Variants in KHNYN observed in about 807,000 individuals in gnomAD.
KHNYN encodes the protein protein KHNYN.
Under a neutral mutation model 62.7 loss-of-function variants are expected in KHNYN, and 42 were observed. The ratio of observed to expected loss-of-function variants is 0.67; its 90% confidence interval spans 0.52 to 0.87. The LOEUF is 0.87. Among genes scored for constraint, KHNYN ranks in the 40% least tolerant of loss-of-function variants. KHNYN has a pLI of 0.00. For synonymous variants in KHNYN, 347 were observed against 345.6 expected (o/e 1.00, Z -0.04); for missense variants, 829 against 874.1 (o/e 0.95, Z 0.65).
chr14:24,440,729 C>A lies in KHNYN; in HGVS notation c.*3444C>A, dbSNP rs2043309095. Reference sequence around the variant, plus strand: ...TCAGCTCTCCTAATCCCATCACTTCCCCAGCCCAGAGAAGACATTCCAACC... The same window carrying A: ...TCAGCTCTCCTAATCCCATCACTTCACCAGCCCAGAGAAGACATTCCAACC... On this transcript the variant is annotated 3_prime_UTR_variant, in exon 8 of 8. Transcript: ENST00000553935. 1 of 1,590,470 alleles carries A rather than the reference C, an allele frequency of 6.3e-7. No individual in the cohort carries two copies. The highest frequency in any genetic ancestry group is 1.4e-5 in the African/African-American group (1 of 74,002).
chr14:24,431,978 T>C lies in KHNYN; in HGVS notation c.717T>C (p.Ser239=), dbSNP rs1276581877. The C allele has an allele frequency of 1.2e-6, 2 of 1,612,348 alleles. No individual in the cohort carries two copies. The highest frequency in any genetic ancestry group is 1.7e-6 in the Non-Finnish European group (2 of 1,178,798). ...SDGRESLDTG[S]MGPGDCRGAR... ...GCAGGGAGTCCCTGGACACTGGATC[T>C]ATGGGACCCGGAGATTGCAGGGGAG... Residue 239 remains serine, a synonymous_variant, in exon 3 of 8, where the codon TCT becomes TCC. Coordinates refer to ENST00000553935, the MANE Select transcript of KHNYN (RefSeq NM_015299.3).
At position 24,430,799 on chromosome 14, in the gene KHNYN, G is replaced by T; in HGVS notation, c.69G>T (p.Lys23Asn). ...RFAVSAEAENKVREQQPHVER... is the reference protein window; with the variant it reads ...RFAVSAEAENNVREQQPHVER... The stretch of plus-strand genomic sequence containing the variant: ...CGGTGTCTGCGGAGGCTGAGAACAA[G>T]GTTCGGGAACAGCAGCCCCATGTGG... The change falls in exon 2 of 8, where the codon AAG becomes AAT. Residue 23 changes from lysine (K) to asparagine (N), a missense_variant. Lys to Asn is a moderately conservative substitution (Grantham distance 94). Transcript: ENST00000553935. 2.5e-6 allele frequency: 4 copies of T among 1,609,876 alleles called. No individual in the cohort carries two copies. Among genetic ancestry groups the T allele is most frequent in the Non-Finnish European group, 3.4e-6 (4 of 1,178,180 alleles).
At position 24,437,290 on chromosome 14, in the gene KHNYN, C is replaced by T; in HGVS notation, c.*5C>T. On this transcript the variant is annotated 3_prime_UTR_variant, in exon 8 of 8. Coordinates refer to ENST00000553935, the MANE Select transcript of KHNYN (RefSeq NM_015299.3). This position sits in a 1 kb window ranked among gnomAD's most constrained non-coding sequence, Gnocchi z 5.5. The stretch of plus-strand genomic sequence containing the variant: ...CTGCTCAGTCTTAACTTTTGAGCCT[C>T]ACCTGCTTGAGTGGCTGCCGCCCTG... 1 of 1,606,398 alleles carries T rather than the reference C, an allele frequency of 6.2e-7. No individual in the cohort carries two copies. The highest frequency in any genetic ancestry group is 8.5e-7 in the Non-Finnish European group (1 of 1,174,114).
At position 24,440,152 on chromosome 14, in the gene KHNYN, T is replaced by G. The variant is rs749077884; in HGVS notation, c.*2867T>G. Reference sequence around the variant, plus strand: ...AATACTGGTAGCCAGTGGCCAGTGTTCGCTGTGGGATCACCTTCTGGCCCT... The same window carrying G: ...AATACTGGTAGCCAGTGGCCAGTGTGCGCTGTGGGATCACCTTCTGGCCCT... On this transcript the variant is annotated 3_prime_UTR_variant, in exon 8 of 8. Transcript: ENST00000553935. The G allele has an allele frequency of 3.7e-6, 6 of 1,613,562 alleles. No individual in the cohort carries two copies. The highest frequency in any genetic ancestry group is 5.1e-6 in the Non-Finnish European group (6 of 1,179,698).
chr14:24,440,006 A>G lies in KHNYN; in HGVS notation c.*2721A>G. The G allele has an allele frequency of 8.1e-7, 1 of 1,228,172 alleles. No individual in the cohort carries two copies. Among genetic ancestry groups the G allele is most frequent in the Non-Finnish European group, 1.1e-6 (1 of 886,916 alleles). 76.1% of individuals were successfully genotyped at this position (1,228,172 alleles called of 1,614,324 possible). On this transcript the variant is annotated 3_prime_UTR_variant, in exon 8 of 8. Coordinates refer to ENST00000553935, the MANE Select transcript of KHNYN (RefSeq NM_015299.3). ...AAGAACCAGATGGCTTCAGCTCTCT[A>G]GAGGAGCTGAGCCTATTCACAGTGC...
chr14:24,426,596 C>T (rs1157004057), upstream of KHNYN: 1 of 152,178 alleles, frequency 6.6e-6, no homozygotes, highest in Non-Finnish European at 1.5e-5. Context: ...CCTACTTGTA[C>T]CTGTAACACC....
At position 24,437,532 on chromosome 14, in the gene KHNYN, G is replaced by T. The variant is rs1594759570; in HGVS notation, c.*247G>T. 4.6e-6 allele frequency: 2 copies of T among 438,262 alleles called. No homozygotes were observed. Among genetic ancestry groups the T allele is most frequent in the East Asian group, 8.0e-5 (2 of 25,040 alleles). 27.1% of individuals were successfully genotyped at this position (438,262 alleles called of 1,614,324 possible). ...AACTTTGCCTTAGCACAGGGTTTCT[G>T]TAGGGAGTGGGGGCTGCTAGAGGGG... On this transcript the variant is annotated 3_prime_UTR_variant, in exon 8 of 8. Transcript: ENST00000553935. The surrounding 1 kb of genome is among the most constrained non-coding windows in gnomAD (Gnocchi z 5.5).
At position 24,441,123 on chromosome 14, in the gene KHNYN, C is replaced by A; in HGVS notation, c.*3838C>A. 1 of 703,344 alleles carries A rather than the reference C, an allele frequency of 1.4e-6. No individual in the cohort carries two copies. Among genetic ancestry groups the A allele is most frequent in the South Asian group, 1.5e-5 (1 of 66,840 alleles). 43.6% of individuals were successfully genotyped at this position (703,344 alleles called of 1,614,324 possible). A position where few individuals can be genotyped will look rare whatever the true frequency, so the allele number is the denominator to read the frequency against. The stretch of plus-strand genomic sequence containing the variant: ...CCCTGGAGGAACTCTGGTTGCAGGG[C>A]TAAACTTAGAGGCTGCTAGAGTGTA... On this transcript the variant is annotated 3_prime_UTR_variant, in exon 8 of 8. Transcript: ENST00000553935.
upstream of KHNYN, chr14:24,428,511 C>A: frequency 7.3e-7 from 1 of 1,368,108 alleles, no homozygotes; most frequent in Non-Finnish European, 1.0e-6. Flanking sequence ...GAAGGAGTGG[C>A]AAGTAGGAGT....
chr14:24,430,833 T>C lies in KHNYN; in HGVS notation c.103T>C (p.Phe35Leu), dbSNP rs1322723251. 1 of 1,613,364 alleles carries C rather than the reference T, an allele frequency of 6.2e-7. No individual in the cohort carries two copies. ...REQQPHVERI[F>L]SVGVSVLPKD... ...ACAGCAGCCCCATGTGGAGCGCATC[T>C]TCAGCGTGGGGGTGAGCGTCCTTCC... The change falls in exon 2 of 8, where the codon TTC (phenylalanine) becomes CTC (leucine). Residue 35 changes from phenylalanine to leucine, a missense_variant. Physicochemically the swap from Phe to Leu is conservative, Grantham distance 22 (BLOSUM62 0). This residue lies in a region of KHNYN where 559 missense variants were observed against 527.0 expected (regional missense o/e 1.06). Transcript: ENST00000553935.
At chr14:24,434,887 G>C (rs1055715961) in intron 5 of KHNYN, among the ~76,000 whole-genome samples, 3 of 152,170 alleles carry the variant, frequency 2.0e-5, no homozygotes, top group Admixed American at 6.5e-5. Flanking sequence ...AACAAGATCT[G>C]ATTCTTGACT....
upstream of KHNYN, among the ~76,000 whole-genome samples, chr14:24,424,882 G>A (rs540707142): frequency 2.0e-5 from 3 of 152,302 alleles, no homozygotes; most frequent in South Asian, 6.2e-4. Context: ...TTGGACTTCT[G>A]ACCCACAGAA....
chr14:24,436,049 G>A (rs771909170), intron 5 of KHNYN, 23 bp from the exon 6 acceptor site: 65 of 1,589,642 alleles, frequency 4.1e-5, no homozygotes, highest in Middle Eastern at 3.4e-4. Context: ...ACCCTCTCTC[G>A]GTTGCTGTGG....
At chr14:24,427,316 G>A (rs563588304), upstream of KHNYN, 215 of 182,872 alleles carry the variant, frequency 1.2e-3, no homozygotes, top group African/African-American at 4.9e-3. This position sits in a 1 kb window ranked among gnomAD's most constrained non-coding sequence, Gnocchi z 4.4. Context: ...AGCTTCTGAC[G>A]GTGCTGGCTG....
At chr14:24,428,780 G>A, upstream of KHNYN, 2 of 1,602,572 alleles carry the variant, frequency 1.2e-6, no homozygotes, top group Non-Finnish European at 8.5e-7. Flanking sequence ...GGCCCCACTG[G>A]TGCCATTGCC....
At position 24,440,735 on chromosome 14, in the gene KHNYN, C is replaced by G; in HGVS notation, c.*3450C>G. On this transcript the variant is annotated 3_prime_UTR_variant, in exon 8 of 8. Coordinates refer to ENST00000553935, the MANE Select transcript of KHNYN (RefSeq NM_015299.3). ...CTCCTAATCCCATCACTTCCCCAGC[C>G]CAGAGAAGACATTCCAACCCTGTCT... The G allele has an allele frequency of 6.3e-7, 1 of 1,599,678 alleles. No individual in the cohort carries two copies. Among genetic ancestry groups the G allele is most frequent in the Non-Finnish European group, 8.5e-7 (1 of 1,170,978 alleles).
chr14:24,432,023 T>A lies in KHNYN; in HGVS notation c.762T>A (p.Ala254=). Reference sequence around the variant, plus strand: ...GGGGAGCAAGGGGAGACACTTACGCTGTGGAGAAGGAGGGAGGGAAACAGG... The same window carrying A: ...GGGGAGCAAGGGGAGACACTTACGCAGTGGAGAAGGAGGGAGGGAAACAGG... ...DCRGARGDTY[A]VEKEGGKQGG... Residue 254 remains alanine (A), a synonymous_variant, in exon 3 of 8, where the codon GCT becomes GCA. Transcript: ENST00000553935. The surrounding 1 kb of genome is among the most constrained non-coding windows in gnomAD (Gnocchi z 5.6). 1 of 1,606,604 alleles carries A rather than the reference T, an allele frequency of 6.2e-7. No individual in the cohort carries two copies. The highest frequency in any genetic ancestry group is 1.1e-5 in the South Asian group (1 of 90,422).
intron 5 of KHNYN, among the ~76,000 whole-genome samples, chr14:24,434,815 A>G (rs1338514851): frequency 6.6e-6 from 1 of 152,178 alleles, no homozygotes; most frequent in Non-Finnish European, 1.5e-5. Flanking sequence ...ACTATCTTTC[A>G]AATACTGACT....
At chr14:24,428,996 A>G (rs1327581039), upstream of KHNYN, 2 of 1,549,992 alleles carry the variant, frequency 1.3e-6, no homozygotes, top group East Asian at 4.9e-5. Context: ...CACCAGAACC[A>G]AGGGCAGCCC....
Sources: gnomAD v4.1 joint callset for allele counts (sites outside exome capture counted in the v4.1 genomes callset) on GRCh38, gnomAD v4.1.1 for gene constraint, gnomAD v4.1.1 regional missense constraint, Gnocchi (gnomAD v3.1) non-coding constraint, MANE v1.5 for transcripts, NCBI Gene and HGNC (gene_info 2026-07-23, HGNC 2026-07-21) for gene names.